The following DCC variants were observed in gnomAD, a reference collection of about 807,000 sequenced individuals.
DCC encodes netrin receptor DCC.
A neutral mutation model predicts 172.5 loss-of-function variants in DCC; 58 were observed. The ratio of observed to expected loss-of-function variants is 0.34; its 90% CI spans 0.27 to 0.42. The LOEUF (loss-of-function observed/expected upper bound fraction) is 0.42, where lower values mean the gene tolerates loss of function less well. Ranked by LOEUF, DCC falls within the 10% of genes least tolerant of loss-of-function variation. The probability of loss-of-function intolerance (pLI) is 1.00; values close to 1 mark genes in which losing one functional copy is unlikely to be tolerated. For missense variants in DCC, 1,740 were observed against 1,791.0 expected (o/e 0.97, Z 0.51); for synonymous variants, 709 against 644.5 (o/e 1.10, Z -1.52).
intron 12 of DCC, among the ~76,000 whole-genome samples, chr18:53,235,519 A>G (rs1278966689): frequency 6.6e-6 from 1 of 152,158 alleles, no homozygotes; most frequent in East Asian, 1.9e-4. Context: ...ATTGACAGAG[A>G]AAACTATGAA....
chr18:52,580,422 C>T (rs1257285434), intron 1 of DCC, among the ~76,000 whole-genome samples: 4 of 152,152 alleles, frequency 2.6e-5, no homozygotes, highest in African/African-American at 9.7e-5. Flanking sequence ...CATCTTTTGT[C>T]TCTGCAGAGA....
At chr18:53,166,332 A>G (rs1284645548) in intron 8 of DCC, among the ~76,000 whole-genome samples, 2 of 152,140 alleles carry the variant, frequency 1.3e-5, no homozygotes, top group Non-Finnish European at 2.9e-5. Flanking sequence ...TCAAATGGGA[A>G]TGTCCCCAAG....
chr18:52,965,901 T>C (rs2040921868), intron 5 of DCC, among the ~76,000 whole-genome samples: 1 of 152,112 alleles, frequency 6.6e-6, no homozygotes. Context: ...AAACTACCCA[T>C]GGGCATCTTC....
intron 2 of DCC, among the ~76,000 whole-genome samples, chr18:52,877,749 C>T (rs115208287): frequency 0.015 from 2,293 of 151,400 alleles, 42 homozygotes; most frequent in African/African-American, 0.039. Flanking sequence ...CTTTCTTTGT[C>T]AAATATGATA....
intron 2 of DCC, among the ~76,000 whole-genome samples, chr18:52,810,410 A>T (rs1426843612): frequency 5.9e-5 from 9 of 152,232 alleles, no homozygotes; most frequent in Non-Finnish European, 1.5e-5. Flanking sequence ...CCTATGTTAT[A>T]GCTTATACCA....
intron 1 of DCC, among the ~76,000 whole-genome samples, chr18:52,665,802 T>C (rs534748341): frequency 2.0e-5 from 3 of 152,294 alleles, no homozygotes; most frequent in Admixed American, 6.5e-5. Context: ...GGGAGAACAA[T>C]TTTTTTCTCT....
At chr18:52,348,740 C>T (rs912622187) in intron 1 of DCC, among the ~76,000 whole-genome samples, 1 of 152,134 alleles carries the variant, frequency 6.6e-6, no homozygotes. Context: ...AGGAAGTTGT[C>T]GCCTAATACT....
At chr18:52,631,425 C>G (rs751949466) in intron 1 of DCC, among the ~76,000 whole-genome samples, 18 of 152,338 alleles carry the variant, frequency 1.2e-4, no homozygotes, top group Admixed American at 3.3e-4. Context: ...TCACCTTGCA[C>G]TGCCAGTGGT....
intron 1 of DCC, among the ~76,000 whole-genome samples, chr18:52,348,023 G>A (rs1397149370): frequency 1.3e-5 from 2 of 152,030 alleles, no homozygotes; most frequent in African/African-American, 2.4e-5. Flanking sequence ...TTCCACATAT[G>A]TATACATCTT....
At chr18:53,319,458 G>C (rs1260727960) in intron 13 of DCC, among the ~76,000 whole-genome samples, 1 of 151,798 alleles carries the variant, frequency 6.6e-6, no homozygotes, top group East Asian at 1.9e-4. Context: ...AAAAAAGCAG[G>C]GGTTGCAATC....
At chr18:52,865,688 A>G (rs1410879496) in intron 2 of DCC, among the ~76,000 whole-genome samples, 1 of 151,322 alleles carries the variant, frequency 6.6e-6, no homozygotes, top group Non-Finnish European at 1.5e-5. Context: ...CACCCACTTT[A>G]TGATGGGGTT....
intron 1 of DCC, among the ~76,000 whole-genome samples, chr18:52,428,743 A>C (rs1257943742): frequency 6.6e-6 from 1 of 152,132 alleles, no homozygotes; most frequent in African/African-American, 2.4e-5. Context: ...TATTTCACTG[A>C]AATAAATCAC....
chr18:52,379,501 A>C (rs1985496268), intron 1 of DCC, among the ~76,000 whole-genome samples: 1 of 152,190 alleles, frequency 6.6e-6, no homozygotes, highest in Admixed American at 6.5e-5. Context: ...CTCCACTGCC[A>C]TGCTTGTTAT....
At chr18:52,357,796 G>A (rs971000723) in intron 1 of DCC, among the ~76,000 whole-genome samples, 124 of 152,078 alleles carry the variant, frequency 8.2e-4, no homozygotes, top group African/African-American at 2.9e-3. Context: ...AAATTAGCTG[G>A]GCGTGGTGGC....
At chr18:53,477,606 C>G (rs549410048) in intron 25 of DCC, among the ~76,000 whole-genome samples, 1 of 151,988 alleles carries the variant, frequency 6.6e-6, no homozygotes, top group African/African-American at 2.4e-5. Context: ...TTCTTTCTTC[C>G]TTGACATTTC....
chr18:53,363,318 T>C (rs1395771528), intron 15 of DCC, among the ~76,000 whole-genome samples: 1 of 152,210 alleles, frequency 6.6e-6, no homozygotes, highest in Non-Finnish European at 1.5e-5. Flanking sequence ...ATTTAGCATC[T>C]GAAAAATTCT....
intron 17 of DCC, among the ~76,000 whole-genome samples, chr18:53,392,405 G>A (rs564272713): frequency 5.9e-5 from 9 of 151,982 alleles, no homozygotes; most frequent in Non-Finnish European, 1.3e-4. Flanking sequence ...CACTATTATG[G>A]TAAAGAAAAC....
chr18:52,993,355 C>T lies in DCC; in HGVS notation c.985+67985C>T, dbSNP rs144569417. Reference sequence around the variant, plus strand: ...GGCAAAGGTACAATAATGTGCTTGGCGGTGGAAGAAAGTATAGGAGGAGCA... The same window carrying T: ...GGCAAAGGTACAATAATGTGCTTGGTGGTGGAAGAAAGTATAGGAGGAGCA... On this transcript the variant is annotated intron_variant, in intron 5 of 28. Coordinates refer to ENST00000442544, the MANE Select transcript of DCC (RefSeq NM_005215.4). Among the ~76,000 whole-genome samples, 749 of 152,058 alleles carry T rather than the reference C, an allele frequency of 4.9e-3. 5 individuals carry two copies. Among genetic ancestry groups the T allele is most frequent in the African/African-American group, 0.017 (711 of 41,478 alleles).
chr18:53,009,159 T>C (rs562648397), intron 5 of DCC, among the ~76,000 whole-genome samples: 138 of 152,072 alleles, frequency 9.1e-4, no homozygotes, highest in Non-Finnish European at 1.5e-3. Context: ...GAGTTGACCA[T>C]ATGTTGATCC....
Sources: gnomAD v4.1 joint callset for allele counts (sites outside exome capture counted in the v4.1 genomes callset) on GRCh38, gnomAD v4.1.1 for gene constraint, MANE v1.5 for transcripts, NCBI Gene and HGNC (gene_info 2026-07-23, HGNC 2026-07-21) for gene names.